Variants in ERBB4 observed in about 807,000 individuals in gnomAD.
ERBB4 encodes the protein receptor tyrosine-protein kinase erbB-4.
ERBB4 carries 42 observed loss-of-function variants against 158.0 expected under a neutral mutation model. The ratio of observed to expected loss-of-function variants is 0.27; its 90% CI spans 0.21 to 0.34. ERBB4 has a LOEUF of 0.34. ERBB4 is among the 10% of genes least tolerant of loss of function. The probability of loss-of-function intolerance (pLI) is 1.00; values close to 1 mark genes in which losing one functional copy is unlikely to be tolerated. For missense variants in ERBB4, 1,333 were observed against 1,624.1 expected (o/e 0.82, Z 3.08); for synonymous variants, 583 against 558.7 (o/e 1.04, Z -0.61).
At chr2:211,493,276 AT>A (rs1166619224) in intron 20 of ERBB4, among the ~76,000 whole-genome samples, 5 of 152,072 alleles carry the variant, frequency 3.3e-5, no homozygotes, top group Non-Finnish European at 5.9e-5. Context: ...TTCCTAATTT[AT>A]TTTCTTTTCT....
rs374310428 is a variant in ERBB4, at chr2:211,927,553, T to C, written c.421+19877A>G. Among the ~76,000 whole-genome samples, 135 of 152,192 alleles carry C rather than the reference T, an allele frequency of 8.9e-4. 3 individuals are homozygous for C. In the South Asian group the frequency reaches 0.025, roughly 28 times the overall value. Reference sequence around the variant, plus strand: ...GCCCTATTTATGTAAATAATGAGATTCTAAAATAAACAGAAAATCATCAGG... The same window carrying C: ...GCCCTATTTATGTAAATAATGAGATCCTAAAATAAACAGAAAATCATCAGG... On this transcript the variant is annotated intron_variant, in intron 3 of 27. Coordinates refer to ENST00000342788, the MANE Select transcript of ERBB4 (RefSeq NM_005235.3).
At chr2:211,785,920 T>C (rs1185079107) in intron 4 of ERBB4, among the ~76,000 whole-genome samples, 1 of 152,170 alleles carries the variant, frequency 6.6e-6, no homozygotes, top group East Asian at 1.9e-4. Flanking sequence ...TTGTGCTCAT[T>C]TTTTCTTCTA....
chr2:211,545,798 T>C (rs1249911737), intron 20 of ERBB4, among the ~76,000 whole-genome samples: 1 of 152,048 alleles, frequency 6.6e-6, no homozygotes, highest in Non-Finnish European at 1.5e-5. Context: ...ATTAGCCTTG[T>C]CAAGGCAGGG....
chr2:211,407,002 C>A (rs2063160950), intron 25 of ERBB4, among the ~76,000 whole-genome samples: 1 of 152,042 alleles, frequency 6.6e-6, no homozygotes, highest in African/African-American at 2.4e-5. Context: ...ATTGCTTGAT[C>A]CCAGAGTGGG....
chr2:212,096,484 A>G (rs1485072002), intron 2 of ERBB4, among the ~76,000 whole-genome samples: 1 of 152,142 alleles, frequency 6.6e-6, no homozygotes, highest in Non-Finnish European at 1.5e-5. Flanking sequence ...TTAGTTATGA[A>G]AACAAAGTTT....
At chr2:211,784,586 G>A (rs759866541) in intron 4 of ERBB4, among the ~76,000 whole-genome samples, 1 of 152,014 alleles carries the variant, frequency 6.6e-6, no homozygotes, top group Non-Finnish European at 1.5e-5. Context: ...ATCTCATTGA[G>A]AACCTGCATT....
chr2:211,682,050 T>TCTCACA (rs374640859), intron 12 of ERBB4, among the ~76,000 whole-genome samples: 5 of 134,400 alleles, frequency 3.7e-5, no homozygotes, highest in Non-Finnish European at 7.8e-5. Context: ...TTTATACACA[T>TCTCACA]CACACACACA....
chr2:211,772,256 T>C (rs775366994), intron 4 of ERBB4, among the ~76,000 whole-genome samples: 2 of 152,128 alleles, frequency 1.3e-5, no homozygotes, highest in Non-Finnish European at 2.9e-5. Flanking sequence ...CCCCTATTTT[T>C]GGAGAGTAGT....
At chr2:212,157,049 A>T (rs1434494202) in intron 1 of ERBB4, among the ~76,000 whole-genome samples, 1 of 152,098 alleles carries the variant, frequency 6.6e-6, no homozygotes, top group Non-Finnish European at 1.5e-5. Context: ...ATTCCCCTGC[A>T]AAAACATGTC....
chr2:212,084,240 A>T (rs1165933073), intron 2 of ERBB4, among the ~76,000 whole-genome samples: 1 of 152,004 alleles, frequency 6.6e-6, no homozygotes, highest in Non-Finnish European at 1.5e-5. Flanking sequence ...AACTCAACAA[A>T]TTAGCGGGAA....
At chr2:211,629,923 A>G (rs2070036317) in intron 17 of ERBB4, among the ~76,000 whole-genome samples, 1 of 152,256 alleles carries the variant, frequency 6.6e-6, no homozygotes, top group Admixed American at 6.5e-5. Flanking sequence ...TTTAAATGTT[A>G]GACCTAAAAC....
At chr2:212,089,902 ATC>A (rs1184795311) in intron 2 of ERBB4, among the ~76,000 whole-genome samples, 3 of 152,090 alleles carry the variant, frequency 2.0e-5, no homozygotes, top group Non-Finnish European at 2.9e-5. Context: ...TTGTTCTGAA[ATC>A]TCTTTCTTTG....
Position 211,379,588 on chromosome 2 carries a change from G to A in ERBB4, c.*4027C>T, listed in dbSNP as rs2062540518. ...CATTTAACTTTGTTACATTATACTT[G>A]TGGTTAGTTTTCTAGTTTGATTTAT... is the stretch of plus-strand genomic sequence containing the variant. On this transcript the variant is annotated 3_prime_UTR_variant, in exon 28 of 28. Coordinates refer to ENST00000342788, the MANE Select transcript of ERBB4 (RefSeq NM_005235.3). 1 of 231,006 alleles carries A rather than the reference G, an allele frequency of 4.3e-6. No homozygotes were observed. Among genetic ancestry groups the A allele is most frequent in the Non-Finnish European group, 8.6e-6 (1 of 116,812 alleles). 14.3% of individuals were successfully genotyped at this position (231,006 alleles called of 1,614,324 possible). A position where few individuals can be genotyped will look rare whatever the true frequency, so the allele number is the denominator to read the frequency against.
intron 1 of ERBB4, among the ~76,000 whole-genome samples, chr2:212,330,259 T>C (rs1480561164): frequency 1.3e-5 from 2 of 151,978 alleles, no homozygotes; most frequent in African/African-American, 2.4e-5. Flanking sequence ...CTGTTGGTAA[T>C]GGTGAAAGTG....
At chr2:212,175,317 C>T (rs1206995293) in intron 1 of ERBB4, among the ~76,000 whole-genome samples, 1 of 151,982 alleles carries the variant, frequency 6.6e-6, no homozygotes, top group East Asian at 1.9e-4. Context: ...TAGAACTATA[C>T]AATACCAAAG....
intron 1 of ERBB4, among the ~76,000 whole-genome samples, chr2:212,514,636 C>T (rs187989462): frequency 2.6e-5 from 4 of 152,246 alleles, no homozygotes; most frequent in Non-Finnish European, 5.9e-5. Context: ...AAAACCCCGT[C>T]TCTACTAAAA....
At chr2:212,056,533 G>T (rs562428255) in intron 2 of ERBB4, among the ~76,000 whole-genome samples, 1 of 152,172 alleles carries the variant, frequency 6.6e-6, no homozygotes, top group Non-Finnish European at 1.5e-5. Flanking sequence ...AGAGAGAAAG[G>T]TCGGGTTACC....
chr2:211,757,191 T>C (rs1005853183), intron 4 of ERBB4, among the ~76,000 whole-genome samples: 1 of 152,188 alleles, frequency 6.6e-6, no homozygotes, highest in African/African-American at 2.4e-5. Flanking sequence ...GTTATGTGAG[T>C]TGACTTTACT....
chr2:211,718,728 A>C (rs1026673224), intron 7 of ERBB4, among the ~76,000 whole-genome samples: 1 of 134,478 alleles, frequency 7.4e-6, no homozygotes, highest in African/African-American at 3.3e-5. Context: ...ATATAAAACT[A>C]AAAAAAAAAA....
Sources: gnomAD v4.1 joint callset for allele counts (sites outside exome capture counted in the v4.1 genomes callset) on GRCh38, gnomAD v4.1.1 for gene constraint, MANE v1.5 for transcripts, NCBI Gene and HGNC (gene_info 2026-07-23, HGNC 2026-07-21) for gene names.